The following SLC10A2 variants were observed in gnomAD, a reference collection of about 807,000 sequenced individuals.
The protein encoded by SLC10A2 is ileal sodium/bile acid cotransporter.
In SLC10A2, 34 loss-of-function variants were observed where a neutral mutation model predicts 27.1. The observed-to-expected ratio is 1.26, with a 90% CI of 0.96 to 1.67. The LOEUF (loss-of-function observed/expected upper bound fraction) is 1.67, where lower values mean the gene tolerates loss of function less well. SLC10A2 is among the 40% of genes most tolerant of loss of function. The pLI is 0.00. For missense variants in SLC10A2, 530 were observed against 444.4 expected (o/e 1.19, Z -1.73); for synonymous variants, 205 against 174.0 (o/e 1.18, Z -1.40).
In SLC10A2 at chr13:103,066,069, G is replaced by A. The variant is rs761716856; in HGVS notation, c.181C>T (p.His61Tyr). ...CAAATGCCCCACGGCCGCTTTATGT[G>A]CCCTAGAAATTTCTTGATTTCCACG... ...CNVEIKKFLG[H>Y]IKRPWGICVG... Residue 61 changes from histidine (H) to tyrosine (Y), a missense_variant, in exon 1 of 6, where the codon CAC (histidine) becomes TAC (tyrosine). His to Tyr is a moderately conservative substitution (Grantham distance 83). Coordinates refer to ENST00000245312, the MANE Select transcript of SLC10A2 (RefSeq NM_000452.3). 11 of 1,614,124 alleles carry A rather than the reference G, an allele frequency of 6.8e-6. No homozygotes were observed. The East Asian group carries it at 2.0e-4, about 29-fold the overall frequency.
chr13:103,048,999 T>C (rs917684896), intron 5 of SLC10A2, among the ~76,000 whole-genome samples: 1 of 152,206 alleles, frequency 6.6e-6, no homozygotes, highest in Non-Finnish European at 1.5e-5. Context: ...CACAATAAAA[T>C]GGTCCCAACA....
intron 2 of SLC10A2, among the ~76,000 whole-genome samples, chr13:103,056,440 A>T (rs1349239907): frequency 6.6e-6 from 1 of 152,110 alleles, no homozygotes. Flanking sequence ...ATCACAGAAT[A>T]TGGTATAAGT....
rs750942269 is a variant in SLC10A2 at position 103,066,231 on chromosome 13, A to C, written c.19T>G (p.Cys7Gly). 3.1e-6 allele frequency: 5 copies of C among 1,608,624 alleles called. No individual in the cohort carries two copies. Among genetic ancestry groups the C allele is most frequent in the Non-Finnish European group, 4.3e-6 (5 of 1,175,836 alleles). Residue 7 changes from cysteine (C) to glycine (G), a missense_variant, in exon 1 of 6, where the codon TGT (cysteine) becomes GGT (glycine). By Grantham distance (159) the Cys-to-Gly change is radical. Transcript: ENST00000245312. ...GAGCAAACTGTTGCATTGTCCACAC[A>C]GCTGTTCGGATCATTCATTGCTGGG... MNDPNS[C>G]VDNATVCSGA...
rs200495020 is a variant in SLC10A2, at chr13:103,066,289, G to C, written c.-40C>G. 1 of 1,563,550 alleles carries C rather than the reference G, an allele frequency of 6.4e-7. No individual in the cohort carries two copies. The highest frequency in any genetic ancestry group is 1.4e-5 in the African/African-American group (1 of 73,818). ...CTGGAAAGGCCAAGTCCACAGAAGC[G>C]CTGGTCCCTGGGCCCTGGCTCTGCT... On this transcript the variant is annotated 5_prime_UTR_variant, in exon 1 of 6. Transcript: ENST00000245312.
At chr13:103,057,828 G>T (rs983656858) in intron 2 of SLC10A2, among the ~76,000 whole-genome samples, 1 of 151,826 alleles carries the variant, frequency 6.6e-6, no homozygotes, top group East Asian at 1.9e-4. Flanking sequence ...GCAGTGAGCC[G>T]AGATCACGCC....
rs1190478739 is a variant in SLC10A2, at chr13:103,066,007, G to A, written c.243C>T (p.Leu81=). The change falls in exon 1 of 6, where the codon CTC becomes CTT. Residue 81 remains leucine (L), a synonymous_variant. Coordinates refer to ENST00000245312, the MANE Select transcript of SLC10A2 (RefSeq NM_000452.3). ...GFLCQFGIMP[L]TGFILSVAFD... is the part of the protein sequence containing the mutation. ...AGGCCACCGACAGGATGAATCCTGT[G>A]AGGGGCATGATTCCAAACTGACAGA... 5.0e-6 allele frequency: 8 copies of A among 1,614,174 alleles called. No homozygotes were observed. In the South Asian group the frequency reaches 8.8e-5, roughly 18 times the overall value.
Position 103,052,688 on chromosome 13 carries a change from C to A in SLC10A2, c.517G>T (p.Val173Phe). ...DNIGTSLVSL[V>F]VPVSIGMFVN... ...AACATTCCAATGGAAACAGGAACAA[C>A]GAGAGAAACCAGAGATGTACCTAAA... Residue 173 changes from valine to phenylalanine, a missense_variant, in exon 3 of 6, where the codon GTT (valine) becomes TTT (phenylalanine). Val to Phe is a conservative substitution (Grantham distance 50). Transcript: ENST00000245312. 6.2e-7 allele frequency: 1 copy of A among 1,607,494 alleles called. No individual in the cohort carries two copies. Among genetic ancestry groups the A allele is most frequent in the Non-Finnish European group, 8.5e-7 (1 of 1,174,178 alleles).
intron 1 of SLC10A2, among the ~76,000 whole-genome samples, chr13:103,065,514 G>A (rs1421315417): frequency 6.6e-6 from 1 of 151,780 alleles, no homozygotes; most frequent in East Asian, 1.9e-4. Context: ...CAAAGAAAGT[G>A]TATTTTGCTT....
chr13:103,065,796 G>A (rs1229036012), intron 1 of SLC10A2, 77 bp downstream of exon 1: 2 of 1,530,402 alleles, frequency 1.3e-6, no homozygotes, highest in South Asian at 1.1e-5. Context: ...AAATCAGTTG[G>A]ACATTCAGAA....
intron 1 of SLC10A2, among the ~76,000 whole-genome samples, chr13:103,064,424 T>C (rs1876213287): frequency 6.6e-6 from 1 of 152,204 alleles, no homozygotes; most frequent in Admixed American, 6.5e-5. Flanking sequence ...AACAACCTAA[T>C]AGTCCAGTAC....
intron 1 of SLC10A2, among the ~76,000 whole-genome samples, chr13:103,064,790 T>C (rs1306536885): frequency 1.3e-5 from 2 of 152,044 alleles, no homozygotes; most frequent in Non-Finnish European, 2.9e-5. Flanking sequence ...TGTGTTTTCT[T>C]ATGTGAAAGA....
chr13:103,056,268 A>G (rs1177134971), intron 2 of SLC10A2, among the ~76,000 whole-genome samples: 5 of 152,196 alleles, frequency 3.3e-5, no homozygotes, highest in Non-Finnish European at 7.4e-5. Context: ...AATATTTTAC[A>G]TATAACAATA....
intron 1 of SLC10A2, 46 bp downstream of exon 1, chr13:103,065,827 A>T: frequency 6.2e-7 from 1 of 1,610,436 alleles, no homozygotes; most frequent in South Asian, 1.1e-5. Context: ...TTCTGGAAGG[A>T]TTACTCCAAG....
At chr13:103,064,168 T>C (rs1028775815) in intron 1 of SLC10A2, among the ~76,000 whole-genome samples, 2 of 152,220 alleles carry the variant, frequency 1.3e-5, no homozygotes, top group Admixed American at 6.5e-5. Context: ...ACAGGGCTTA[T>C]TTTGACTTGC....
At position 103,065,924 on chromosome 13, in the gene SLC10A2, C is replaced by T; in HGVS notation, c.326G>A (p.Gly109Glu). The T allele has an allele frequency of 1.2e-6, 2 of 1,614,208 alleles. No individual in the cohort carries two copies. Among genetic ancestry groups the T allele is most frequent in the Non-Finnish European group, 1.7e-6 (2 of 1,180,030 alleles). The change falls in exon 1 of 6, where the codon GGA (glycine) becomes GAA (glutamate). Residue 109 changes from glycine to glutamate, a missense_variant. Coordinates refer to ENST00000245312, the MANE Select transcript of SLC10A2 (RefSeq NM_000452.3). The part of the protein sequence containing the change: ...VVLIIGCCPG[G>E]TASNILAYWV... Reference sequence around the variant, plus strand: ...ATAGGCCAAGATATTGGAGGCAGTTCCTCCAGGGCAGCATCCTATAATGAG... The same window carrying T: ...ATAGGCCAAGATATTGGAGGCAGTTTCTCCAGGGCAGCATCCTATAATGAG...
At chr13:103,049,215 TA>T (rs1302452156) in intron 5 of SLC10A2, 73 bp downstream of exon 5, 3 of 1,539,156 alleles carry the variant, frequency 1.9e-6, no homozygotes, top group East Asian at 2.3e-5. Flanking sequence ...CGGGGAGTTT[TA>T]AAAAAATGTT....
rs138498877 is a variant in SLC10A2, at chr13:103,058,364, G to A, written c.396C>T (p.Cys132=). Residue 132 remains cysteine, a synonymous_variant, in exon 2 of 6, where the codon TGC becomes TGT. Coordinates refer to ENST00000245312, the MANE Select transcript of SLC10A2 (RefSeq NM_000452.3). ...TCATTCCGAGGGCAAGCAGTGTGGA[G>A]CATGTGGTCATGCTGACGCTGAAAG... is the stretch of plus-strand genomic sequence containing the variant. The part of the protein sequence containing the change: ...DMDLSVSMTT[C]STLLALGMMP... 6.2e-7 allele frequency: 1 copy of A among 1,612,872 alleles called. No individual in the cohort carries two copies. The highest frequency in any genetic ancestry group is 1.3e-5 in the African/African-American group (1 of 74,896).
At chr13:103,055,166 T>C (rs1234436251) in intron 2 of SLC10A2, among the ~76,000 whole-genome samples, 2 of 152,034 alleles carry the variant, frequency 1.3e-5, no homozygotes, top group Non-Finnish European at 2.9e-5. Flanking sequence ...TTTCCTCATT[T>C]GTAAAATGGG....
chr13:103,046,323 CATAG>C, intron 5 of SLC10A2, 63 bp from the exon 6 acceptor site: 1 of 1,354,512 alleles, frequency 7.4e-7, no homozygotes, highest in Non-Finnish European at 1.0e-6. Flanking sequence ...AATTACTTTG[CATAG>C]AGATTATAAC....
Sources: allele counts gnomAD v4.1 joint callset (sites outside exome capture counted in the v4.1 genomes callset), GRCh38; gene constraint gnomAD v4.1.1; transcripts MANE v1.5; gene names NCBI Gene and HGNC (gene_info 2026-07-23, HGNC 2026-07-21).